Variants in PCDHGA6 observed in about 807,000 individuals in gnomAD.
The protein encoded by PCDHGA6 is protocadherin gamma subfamily A, 6.
PCDHGA6 carries 41 observed loss-of-function variants against 60.6 expected under a neutral mutation model. That is an observed-to-expected ratio of 0.68 (90% CI 0.53 to 0.88). The LOEUF (loss-of-function observed/expected upper bound fraction) is 0.88. PCDHGA6 is among the 40% of genes least tolerant of loss of function. PCDHGA6 has a pLI of 0.00. For synonymous variants in PCDHGA6, 594 were observed against 524.4 expected (o/e 1.13, Z -1.81); for missense variants, 1,312 against 1,203.0 (o/e 1.09, Z -1.34).
intron 1 of PCDHGA6, chr5:141,382,829 T>C: frequency 7.3e-7 from 1 of 1,376,168 alleles, no homozygotes; most frequent in Non-Finnish European, 9.9e-7. Flanking sequence ...GACAGAGGGG[T>C]CCACCCGGAT....
In PCDHGA6 at chr5:141,512,501, G is replaced by A. The variant is rs1474842711; in HGVS notation, c.*1328G>A. The A allele has an allele frequency of 6.5e-6, 1 of 152,914 alleles. No homozygotes were observed. The highest frequency in any genetic ancestry group is 1.5e-5 in the Non-Finnish European group (1 of 68,258). The allele number at this position is 152,914 out of a possible 1,614,324, so 9.5% of individuals were successfully genotyped here. On this transcript the variant is annotated 3_prime_UTR_variant, in exon 4 of 4. Transcript: ENST00000517434. The stretch of plus-strand genomic sequence containing the variant: ...GAAGGCCACTGCCCAGGTCCCCAGT[G>A]CGCCCCCTAGTGGCCATAGCCTGGT...
At position 141,485,162 on chromosome 5, in the gene PCDHGA6, C is replaced by A. The variant is rs759021453; in HGVS notation, c.2425-9645C>A. The A allele has an allele frequency of 8.7e-6, 14 of 1,602,188 alleles. No individual in the cohort carries two copies. The Admixed American group carries it at 2.0e-4, about 23-fold the overall frequency. ...GTCTCAGGAGCAAGTAGAGAATTAGCGGGCGGCAGCAATGCTCCGCAAGGT... is the reference window on the plus strand; with the variant it reads ...GTCTCAGGAGCAAGTAGAGAATTAGAGGGCGGCAGCAATGCTCCGCAAGGT... On this transcript the variant is annotated intron_variant, in intron 1 of 3. Transcript: ENST00000517434. The surrounding 1 kb of genome is among the most constrained non-coding windows in gnomAD (Gnocchi z 5.7).
chr5:141,399,459 C>T (rs897098728), intron 1 of PCDHGA6: 6 of 1,613,894 alleles, frequency 3.7e-6, no homozygotes, highest in Non-Finnish European at 5.1e-6. Context: ...TCAACGATAA[C>T]GCTCCGGTTT....
chr5:141,476,553 A>G lies in PCDHGA6; in HGVS notation c.2425-18254A>G. On this transcript the variant is annotated intron_variant, in intron 1 of 3. Coordinates refer to ENST00000517434, the MANE Select transcript of PCDHGA6 (RefSeq NM_018919.3). The surrounding 1 kb of genome is among the most constrained non-coding windows in gnomAD (Gnocchi z 7.6). ...CAGGAAATGAAATTGGAGATTAGCG[A>G]GGCCGTGGCTCCGGGGACGCGCTTT... The G allele has an allele frequency of 1.2e-6, 2 of 1,614,226 alleles. No homozygotes were observed. The highest frequency in any genetic ancestry group is 1.7e-6 in the Non-Finnish European group (2 of 1,180,040).
At chr5:141,385,964 C>T (rs1037246180) in intron 1 of PCDHGA6, 2 of 152,126 alleles carry the variant, frequency 1.3e-5, no homozygotes, top group South Asian at 2.1e-4. Context: ...TAAAGGCCAT[C>T]GGACAAAACC....
rs561329093 is a variant in PCDHGA6 at position 141,509,163 on chromosome 5, C to A, written c.2573-1784C>A. Among the ~76,000 whole-genome samples the A allele has an allele frequency of 1.4e-4, 21 of 152,322 alleles. No individual in the cohort carries two copies. In the South Asian group the frequency reaches 4.1e-3, roughly 30 times the overall value. On this transcript the variant is annotated intron_variant, in intron 3 of 3. Coordinates refer to ENST00000517434, the MANE Select transcript of PCDHGA6 (RefSeq NM_018919.3). ...CATCCCGGCTCTCCCCTCCCGTGTG[C>A]CCTCCTCCTCTTATGCCGGCTTGAA...
intron 1 of PCDHGA6, chr5:141,404,653 C>A (rs754039673): frequency 2.4e-5 from 39 of 1,614,206 alleles, no homozygotes; most frequent in Non-Finnish European, 3.1e-5. Flanking sequence ...ACCCTGCCCT[C>A]CCCACTGATG....
At chr5:141,384,927 C>A in intron 1 of PCDHGA6, 1 of 1,614,014 alleles carries the variant, frequency 6.2e-7, no homozygotes, top group Non-Finnish European at 8.5e-7. Flanking sequence ...CCGACCTGGG[C>A]AGCCTTGAGC....
rs2097438776 is a variant in PCDHGA6 at position 141,432,018 on chromosome 5, T to C, written c.2424+55511T>C. Reference sequence around the variant, plus strand: ...AGGGAACAGGTTCCTAGCTACAACATCACAGTGACCGCCACTGACCGGGGA... The same window carrying C: ...AGGGAACAGGTTCCTAGCTACAACACCACAGTGACCGCCACTGACCGGGGA... On this transcript the variant is annotated intron_variant, in intron 1 of 3. Transcript: ENST00000517434. This position sits in a 1 kb window ranked among gnomAD's most constrained non-coding sequence, Gnocchi z 6.0. 1.9e-6 allele frequency: 3 copies of C among 1,614,048 alleles called. No homozygotes were observed. In the South Asian group the frequency reaches 3.3e-5, roughly 18 times the overall value.
intron 1 of PCDHGA6, chr5:141,399,579 C>T: frequency 6.2e-7 from 1 of 1,614,026 alleles, no homozygotes; most frequent in South Asian, 1.1e-5. Context: ...GCCAAGTCTC[C>T]TACTCTATCA....
intron 1 of PCDHGA6, chr5:141,409,829 A>AGC (rs2095323181): frequency 6.2e-7 from 1 of 1,610,980 alleles, no homozygotes; most frequent in African/African-American, 1.3e-5. Context: ...GCCCACGCTC[A>AGC]GCGCCAACGT....
intron 1 of PCDHGA6, among the ~76,000 whole-genome samples, chr5:141,453,518 C>G (rs1347368114): frequency 6.6e-6 from 1 of 152,114 alleles, no homozygotes; most frequent in African/African-American, 2.4e-5. Context: ...CATTCCTCCC[C>G]TATACCTTCT....
rs1561964279 is a variant in PCDHGA6 at position 141,456,201 on chromosome 5, A to G, written c.2425-38606A>G. 2.0e-5 allele frequency among the ~76,000 whole-genome samples: 3 copies of G among 152,228 alleles called. No homozygotes were observed. The South Asian group carries it at 6.2e-4, about 32-fold the overall frequency. On this transcript the variant is annotated intron_variant, in intron 1 of 3. Coordinates refer to ENST00000517434, the MANE Select transcript of PCDHGA6 (RefSeq NM_018919.3). ...ATAATTTCTTAATAACTCCTACCAC[A>G]TTCCTCCCTGTGGCGATATCAAACT...
At chr5:141,448,069 T>C (rs1184496754) in intron 1 of PCDHGA6, among the ~76,000 whole-genome samples, 1 of 151,202 alleles carries the variant, frequency 6.6e-6, no homozygotes, top group Non-Finnish European at 1.5e-5. Context: ...CTGGGCAACA[T>C]GAACGAAATG....
chr5:141,473,655 G>A (rs2099326380), intron 1 of PCDHGA6, among the ~76,000 whole-genome samples: 1 of 152,182 alleles, frequency 6.6e-6, no homozygotes, highest in Non-Finnish European at 1.5e-5. Context: ...AACAATTTGT[G>A]TGAAGGCCCT....
rs369942815 is a variant in PCDHGA6, at chr5:141,485,334, T to A, written c.2425-9473T>A. 5.4e-5 allele frequency: 87 copies of A among 1,614,056 alleles called. No individual in the cohort carries two copies. Among genetic ancestry groups the A allele is most frequent in the Non-Finnish European group, 7.0e-5 (83 of 1,180,026 alleles). On this transcript the variant is annotated intron_variant, in intron 1 of 3. Coordinates refer to ENST00000517434, the MANE Select transcript of PCDHGA6 (RefSeq NM_018919.3). The surrounding 1 kb of genome is among the most constrained non-coding windows in gnomAD (Gnocchi z 5.7). Reference sequence around the variant, plus strand: ...GGGAATGTCGCTCAAGATTTCCTGCTGGATACGGACAGTCTGTCAGCTCGC... The same window carrying A: ...GGGAATGTCGCTCAAGATTTCCTGCAGGATACGGACAGTCTGTCAGCTCGC...
At chr5:141,465,983 A>G (rs1219092160) in intron 1 of PCDHGA6, among the ~76,000 whole-genome samples, 1 of 151,944 alleles carries the variant, frequency 6.6e-6, no homozygotes, top group East Asian at 1.9e-4. Context: ...TTAGCCGGGC[A>G]TGGTGGCAGG....
At chr5:141,414,762 T>G in intron 1 of PCDHGA6, 1 of 1,614,210 alleles carries the variant, frequency 6.2e-7, no homozygotes. Context: ...ATGAGCAGTT[T>G]CATGAGCTAC....
At chr5:141,392,665 T>C (rs1169450587) in intron 1 of PCDHGA6, 3 of 818,380 alleles carry the variant, frequency 3.7e-6, no homozygotes, top group Non-Finnish European at 5.4e-6. Context: ...TGCCACAAAC[T>C]AACTGCTGGA....
Sources: allele counts gnomAD v4.1 joint callset (sites outside exome capture counted in the v4.1 genomes callset), GRCh38; gene constraint gnomAD v4.1.1; non-coding constraint Gnocchi (gnomAD v3.1); transcripts MANE v1.5; gene names NCBI Gene and HGNC (gene_info 2026-07-23, HGNC 2026-07-21).